NFKBIZ: variants seen among roughly 807,000 people sequenced by gnomAD.
NFKBIZ encodes the protein NFKB inhibitor zeta.
A neutral mutation model predicts 76.8 loss-of-function variants in NFKBIZ; 19 were observed. The ratio of observed to expected loss-of-function variants is 0.25; its 90% CI spans 0.17 to 0.36. The LOEUF (loss-of-function observed/expected upper bound fraction) is 0.36. NFKBIZ is among the 10% of genes least tolerant of loss of function. The pLI is 1.00. For synonymous variants in NFKBIZ, 368 were observed against 354.8 expected (o/e 1.04, Z -0.42); for missense variants, 829 against 910.9 (o/e 0.91, Z 1.16).
chr3:101,851,453 CT>C (rs1280825653), intron 1 of NFKBIZ, among the ~76,000 whole-genome samples: 1 of 152,162 alleles, frequency 6.6e-6, no homozygotes, highest in African/African-American at 2.4e-5. Context: ...ATTTAAGCAG[CT>C]TTTTTGGCAC....
rs552520419 is a variant in NFKBIZ, at chr3:101,859,645, G to A, written c.*274G>A. The A allele has an allele frequency of 8.1e-5, 22 of 269,984 alleles. No homozygotes were observed. The highest frequency in any genetic ancestry group is 1.9e-4 in the Admixed American group (4 of 21,290). 16.7% of individuals were successfully genotyped at this position (269,984 alleles called of 1,614,324 possible). A position where few individuals can be genotyped will look rare whatever the true frequency, so the allele number is the denominator to read the frequency against. On this transcript the variant is annotated 3_prime_UTR_variant, in exon 12 of 12. Coordinates refer to ENST00000326172, the MANE Select transcript of NFKBIZ (RefSeq NM_031419.4). ...GTAACATTGCCTTCAATTAACAGTA[G>A]CTTTTGAGTAGGAAAGGACTTTGAT... is the stretch of plus-strand genomic sequence containing the variant.
At chr3:101,842,195 T>C (rs1173482308) in intron 2 of NFKBIZ, among the ~76,000 whole-genome samples, 1 of 152,158 alleles carries the variant, frequency 6.6e-6, no homozygotes, top group African/African-American at 2.4e-5. Context: ...TGTTGGATAT[T>C]AAGTGAGTCT....
rs761715534 is a variant in NFKBIZ, at chr3:101,855,096, A to C, written c.1478A>C (p.His493Pro). Residue 493 changes from histidine to proline, a missense_variant, in exon 7 of 12, where the codon CAT (histidine) becomes CCT (proline). Coordinates refer to ENST00000326172, the MANE Select transcript of NFKBIZ (RefSeq NM_031419.4). ...AFQVAVAANQ[H>P]LIVQDLVNIG... ...CAGGTGGCAGTGGCTGCCAATCAGC[A>C]TCTCATTGTGCAGGATCTGGTGAAC... The C allele has an allele frequency of 6.2e-7, 1 of 1,611,674 alleles. No individual in the cohort carries two copies. Among genetic ancestry groups the C allele is most frequent in the Non-Finnish European group, 8.5e-7 (1 of 1,179,416 alleles).
At chr3:101,828,122 T>A (rs1483900028) in exon 1 of NFKBIZ, 1 of 152,240 alleles carries the variant, frequency 6.6e-6, no homozygotes, top group Non-Finnish European at 1.5e-5. Flanking sequence ...TATCGCTGAT[T>A]ACAGCTGGAA....
chr3:101,829,083 C>T (rs1476420695), intron 1 of NFKBIZ, among the ~76,000 whole-genome samples: 1 of 152,170 alleles, frequency 6.6e-6, no homozygotes, highest in Non-Finnish European at 1.5e-5. Flanking sequence ...ATCAGCCACA[C>T]AGATCATCTA....
At chr3:101,857,726 A>G (rs1943071364) in intron 11 of NFKBIZ, 1 of 985,344 alleles carries the variant, frequency 1.0e-6, no homozygotes. Flanking sequence ...AGAGTAAGTC[A>G]GAATGGTTTA....
At chr3:101,829,048 C>T (rs569763857) in intron 1 of NFKBIZ, among the ~76,000 whole-genome samples, 257 of 152,232 alleles carry the variant, frequency 1.7e-3, no homozygotes, top group African/African-American at 5.8e-3. Context: ...TTCACCACCC[C>T]GCATAATCCC....
Position 101,857,197 on chromosome 3 carries a change from G to A in NFKBIZ, c.1935+14G>A. On this transcript the variant is annotated intron_variant, in intron 10 of 11. Transcript: ENST00000326172. ...GTGAATGCAAAGGTACACCAGAGTT[G>A]GAATGGCCTTCTGTACACCCTCTCA... 2.5e-6 allele frequency: 4 copies of A among 1,611,818 alleles called. No individual in the cohort carries two copies. The highest frequency in any genetic ancestry group is 3.4e-6 in the Non-Finnish European group (4 of 1,178,058).
upstream of NFKBIZ, among the ~76,000 whole-genome samples, chr3:101,846,349 T>C (rs910427469): frequency 1.3e-5 from 2 of 152,260 alleles, no homozygotes; most frequent in African/African-American, 2.4e-5. Flanking sequence ...ACTGAATTTG[T>C]ATTTCAACAT....
chr3:101,837,921 C>A (rs192297335), intron 2 of NFKBIZ, among the ~76,000 whole-genome samples: 2 of 152,324 alleles, frequency 1.3e-5, no homozygotes, highest in African/African-American at 2.4e-5. Flanking sequence ...GTTTACTGAA[C>A]CTATGGCCAG....
intron 1 of NFKBIZ, among the ~76,000 whole-genome samples, 161 bp from the exon 2 acceptor site, chr3:101,851,924 G>T (rs972195531): frequency 6.6e-6 from 1 of 152,208 alleles, no homozygotes; most frequent in Non-Finnish European, 1.5e-5. Context: ...CAGAGCTCGG[G>T]ACTCACAAGG....
Position 101,853,104 on chromosome 3 carries a change from C to T in NFKBIZ, c.578C>T (p.Thr193Ile). ...LHSQFLTPPQTPTPGESMEDV... is the reference protein window; with the variant it reads ...LHSQFLTPPQIPTPGESMEDV... ...CCTTCTTTCCAGACACCACCTCAAA[C>T]ACCAACGCCCGGGGAGAGCATGGAA... is the stretch of plus-strand genomic sequence containing the variant. Residue 193 changes from threonine (T) to isoleucine (I), a missense_variant, in exon 5 of 12, where the codon ACA becomes ATA. Thr to Ile is a moderately conservative substitution (Grantham distance 89). Around this residue, in one of 4 missense-constraint regions of NFKBIZ, gnomAD observed 371 missense variants for 332.3 expected, o/e 1.12. Coordinates refer to ENST00000326172, the MANE Select transcript of NFKBIZ (RefSeq NM_031419.4). The T allele has an allele frequency of 6.2e-7, 1 of 1,613,300 alleles. No individual in the cohort carries two copies. The highest frequency in any genetic ancestry group is 8.5e-7 in the Non-Finnish European group (1 of 1,179,286).
Position 101,853,305 on chromosome 3 carries a change from G to A in NFKBIZ, c.779G>A (p.Gly260Glu). 1 of 1,614,104 alleles carries A rather than the reference G, an allele frequency of 6.2e-7. No individual in the cohort carries two copies. The highest frequency in any genetic ancestry group is 8.5e-7 in the Non-Finnish European group (1 of 1,180,016). The stretch of plus-strand genomic sequence containing the variant: ...GAGCAGTGTCAGGACTTCCATGGAG[G>A]GCAGGTCTTTTCTCCACCTCAGAAA... ...PAEQCQDFHG[G>E]QVFSPPQKCQ... Residue 260 changes from glycine to glutamate, a missense_variant, in exon 5 of 12, where the codon GGG (glycine) becomes GAG (glutamate). Gly to Glu is a moderately conservative substitution (Grantham distance 98, BLOSUM62 -2). This residue lies in a region of NFKBIZ where 371 missense variants were observed against 332.3 expected (regional missense o/e 1.12). Coordinates refer to ENST00000326172, the MANE Select transcript of NFKBIZ (RefSeq NM_031419.4).
upstream of NFKBIZ, among the ~76,000 whole-genome samples, chr3:101,845,320 G>T (rs1371942781): frequency 1.4e-5 from 2 of 147,088 alleles, no homozygotes; most frequent in African/African-American, 2.5e-5. Flanking sequence ...TTGAGACAAG[G>T]TCTTGCTCTG....
chr3:101,849,850 G>C lies in NFKBIZ; in HGVS notation c.222G>C (p.Ser74=). Reference sequence around the variant, plus strand: ...ACTCCTCCGACTTCTCCTCTGCCTCGTCGGTGTCCTCCTGCGGCGCCGTGG... The same window carrying C: ...ACTCCTCCGACTTCTCCTCTGCCTCCTCGGTGTCCTCCTGCGGCGCCGTGG... The part of the protein sequence containing the change: ...GSDSSDFSSA[S]SVSSCGAVES... Residue 74 remains serine, a synonymous_variant, in exon 1 of 12, where the codon TCG becomes TCC. Coordinates refer to ENST00000326172, the MANE Select transcript of NFKBIZ (RefSeq NM_031419.4). 1 of 1,470,646 alleles carries C rather than the reference G, an allele frequency of 6.8e-7. No homozygotes were observed. Among genetic ancestry groups the C allele is most frequent in the South Asian group, 1.3e-5 (1 of 77,194 alleles). The allele number at this position is 1,470,646 out of a possible 1,614,324, so 91.1% of individuals were successfully genotyped here. A position where few individuals can be genotyped will look rare whatever the true frequency, so the allele number is the denominator to read the frequency against.
upstream of NFKBIZ, among the ~76,000 whole-genome samples, chr3:101,847,245 A>G (rs1942865009): frequency 1.3e-5 from 2 of 152,264 alleles, no homozygotes; most frequent in East Asian, 1.9e-4. Context: ...CAAATTAACC[A>G]TCACACTCAA....
Position 101,849,701 on chromosome 3 carries a change from C to G in NFKBIZ, c.73C>G (p.Leu25Val). The G allele has an allele frequency of 7.1e-7, 1 of 1,417,672 alleles. No homozygotes were observed. 87.8% of individuals were successfully genotyped at this position (1,417,672 alleles called of 1,614,324 possible). A position where few individuals can be genotyped will look rare whatever the true frequency, so the allele number is the denominator to read the frequency against. Residue 25 changes from leucine to valine, a missense_variant, in exon 1 of 12, where the codon CTC (leucine) becomes GTC (valine). Coordinates refer to ENST00000326172, the MANE Select transcript of NFKBIZ (RefSeq NM_031419.4). Reference protein sequence around the residue: ...GLRDAAGGCGLMTSPLNLSYF... With the variant: ...GLRDAAGGCGVMTSPLNLSYF... ...GCGGGACGCGGCGGGCGGCTGCGGC[C>G]TCATGACCAGCCCGCTCAACCTGAG... is the stretch of plus-strand genomic sequence containing the variant.
upstream of NFKBIZ, among the ~76,000 whole-genome samples, chr3:101,845,271 A>G (rs982255044): frequency 2.7e-5 from 4 of 150,898 alleles, no homozygotes; most frequent in Non-Finnish European, 4.4e-5. Context: ...CTGTCTCAAA[A>G]AAAGAAAAAA....
chr3:101,845,840 G>A (rs1942843092), upstream of NFKBIZ, among the ~76,000 whole-genome samples: 1 of 152,160 alleles, frequency 6.6e-6, no homozygotes, highest in Non-Finnish European at 1.5e-5. Flanking sequence ...AGAACTCTCT[G>A]ATGTATCATT....
Sources: allele counts gnomAD v4.1 joint callset (sites outside exome capture counted in the v4.1 genomes callset), GRCh38; gene constraint gnomAD v4.1.1; regional missense constraint gnomAD v4.1.1; transcripts MANE v1.5; gene names NCBI Gene and HGNC (gene_info 2026-07-23, HGNC 2026-07-21).